UTRN: variants seen among roughly 807,000 people sequenced by gnomAD.
The protein encoded by UTRN is dystrophin-related protein 1.
UTRN carries 283 observed loss-of-function variants against 463.9 expected under a neutral mutation model. The ratio of observed to expected loss-of-function variants is 0.61; its 90% confidence interval spans 0.55 to 0.67. UTRN has a LOEUF of 0.67. Ranked by LOEUF, UTRN falls within the 30% of genes least tolerant of loss-of-function variation. The pLI, the probability that UTRN is intolerant of heterozygous loss-of-function variation, is 0.00. For missense variants in UTRN, 3,922 were observed against 4,084.3 expected (o/e 0.96, Z 1.08); for synonymous variants, 1,442 against 1,431.5 (o/e 1.01, Z -0.17).
chr6:144,569,064 TGGATA>T (rs1800689520), intron 50 of UTRN, among the ~76,000 whole-genome samples: 1 of 152,074 alleles, frequency 6.6e-6, no homozygotes, highest in South Asian at 2.1e-4. Context: ...TCCTTGAGAA[TGGATA>T]AAAAATCTTG....
At chr6:144,679,591 C>T (rs1310165931) in intron 52 of UTRN, among the ~76,000 whole-genome samples, 1 of 152,114 alleles carries the variant, frequency 6.6e-6, no homozygotes, top group Admixed American at 6.6e-5. Context: ...ATATTTAACA[C>T]TCATGATTGC....
At chr6:144,767,098 G>A (rs972719370) in intron 58 of UTRN, among the ~76,000 whole-genome samples, 2 of 152,154 alleles carry the variant, frequency 1.3e-5, no homozygotes, top group African/African-American at 4.8e-5. Flanking sequence ...AAATAAACCA[G>A]TTTGGGGAGA....
In UTRN at chr6:144,789,284, G is replaced by GT. The variant is rs749424191; in HGVS notation, c.8920+6dup. ...TCTTGGAAGAAAAATACAGATGTAT[G>GT]TAAGACCTTTCTTATACCAACAGTG... On this transcript the variant is annotated splice_donor_region_variant and intron_variant, in intron 62 of 74. Coordinates refer to ENST00000367545, the MANE Select transcript of UTRN (RefSeq NM_007124.3). The GT allele has an allele frequency of 6.2e-7, 1 of 1,601,004 alleles. No individual in the cohort carries two copies. Among genetic ancestry groups the GT allele is most frequent in the African/African-American group, 1.3e-5 (1 of 74,472 alleles).
At chr6:144,514,580 G>A (rs1232169618) in intron 36 of UTRN, 70 bp from the exon 37 acceptor site, 4 of 1,487,932 alleles carry the variant, frequency 2.7e-6, no homozygotes, top group African/African-American at 2.8e-5. Context: ...CTTTCCTTCT[G>A]TATAAGCATC....
chr6:144,751,783 T>C (rs1367403228), intron 55 of UTRN, 23 bp from the exon 56 acceptor site: 1 of 1,584,144 alleles, frequency 6.3e-7, no homozygotes, highest in African/African-American at 1.4e-5. Flanking sequence ...TCCAATAATA[T>C]ATTTTTTGTT....
chr6:144,352,022 T>C (rs1353096929), intron 2 of UTRN, among the ~76,000 whole-genome samples: 1 of 152,198 alleles, frequency 6.6e-6, no homozygotes, highest in Non-Finnish European at 1.5e-5. Context: ...CCTATTTTCT[T>C]GTTGACTTCT....
chr6:144,847,293 A>G (rs1320043646), intron 74 of UTRN, among the ~76,000 whole-genome samples: 1 of 152,222 alleles, frequency 6.6e-6, no homozygotes, highest in Non-Finnish European at 1.5e-5. Context: ...AGTATTTTCT[A>G]TAAACCAAAA....
intron 58 of UTRN, among the ~76,000 whole-genome samples, chr6:144,767,232 CT>C (rs942878152): frequency 1.3e-5 from 2 of 152,046 alleles, no homozygotes; most frequent in Admixed American, 6.6e-5. Context: ...TAAATTGAGT[CT>C]GTCTGTTGAG....
intron 43 of UTRN, among the ~76,000 whole-genome samples, chr6:144,536,611 G>C (rs12205822): frequency 0.41 from 61,559 of 151,776 alleles, 12,853 homozygotes; most frequent in South Asian, 0.54. Context: ...ACGATTATGT[G>C]AGAACTTTTG....
chr6:144,575,296 A>G (rs1038370063), intron 50 of UTRN, among the ~76,000 whole-genome samples: 1 of 152,220 alleles, frequency 6.6e-6, no homozygotes, highest in African/African-American at 2.4e-5. Flanking sequence ...AGGAAAGTAA[A>G]CCAACTTAAA....
At chr6:144,390,053 G>T (rs1781771539) in intron 2 of UTRN, among the ~76,000 whole-genome samples, 1 of 152,180 alleles carries the variant, frequency 6.6e-6, no homozygotes, top group South Asian at 2.1e-4. Context: ...TAACAATTTG[G>T]TGTATACTTG....
At chr6:144,700,361 C>T in intron 53 of UTRN, 118 bp downstream of exon 53, 5 of 1,163,390 alleles carry the variant, frequency 4.3e-6, no homozygotes, top group Non-Finnish European at 4.6e-6. Context: ...CCCCCCCCCA[C>T]CACCGTCTGC....
chr6:144,774,486 C>A, intron 60 of UTRN, 122 bp downstream of exon 60: 2 of 821,064 alleles, frequency 2.4e-6, no homozygotes, highest in Non-Finnish European at 3.7e-6. Flanking sequence ...CAGTGTACCT[C>A]ACTCAAGGAG....
chr6:144,763,512 A>G (rs891211951), intron 58 of UTRN, among the ~76,000 whole-genome samples: 1 of 152,208 alleles, frequency 6.6e-6, no homozygotes, highest in Non-Finnish European at 1.5e-5. Context: ...GCAGTCATAC[A>G]GTTCATTTGC....
At chr6:144,580,502 T>G (rs1485672382) in intron 51 of UTRN, among the ~76,000 whole-genome samples, 2 of 152,190 alleles carry the variant, frequency 1.3e-5, no homozygotes. Context: ...GATTAACTTT[T>G]GGGAGTATGC....
intron 52 of UTRN, among the ~76,000 whole-genome samples, chr6:144,694,556 C>T (rs1783781452): frequency 6.6e-6 from 1 of 152,150 alleles, no homozygotes; most frequent in East Asian, 1.9e-4. Context: ...TTATTACTGA[C>T]TCAATTTCAG....
chr6:144,503,792 G>A (rs1406461959), intron 34 of UTRN, among the ~76,000 whole-genome samples: 1 of 152,128 alleles, frequency 6.6e-6, no homozygotes, highest in Non-Finnish European at 1.5e-5. Context: ...AAAGTCAATG[G>A]TAGCTTGATG....
chr6:144,416,595 T>C (rs576777869), intron 3 of UTRN, among the ~76,000 whole-genome samples: 3 of 152,352 alleles, frequency 2.0e-5, no homozygotes, highest in East Asian at 3.9e-4. Context: ...GCCGCAAGCA[T>C]GAGTGCTGGT....
chr6:144,463,103 A>T (rs543493892), intron 23 of UTRN, among the ~76,000 whole-genome samples: 1 of 152,326 alleles, frequency 6.6e-6, no homozygotes, highest in South Asian at 2.1e-4. Context: ...AGATAAGAGA[A>T]AATTGCTTAA....
Sources: gnomAD v4.1 joint callset for allele counts (sites outside exome capture counted in the v4.1 genomes callset) on GRCh38, gnomAD v4.1.1 for gene constraint, MANE v1.5 for transcripts, NCBI Gene and HGNC (gene_info 2026-07-23, HGNC 2026-07-21) for gene names.